Variants in RERE observed in about 807,000 individuals in gnomAD.
The protein encoded by RERE is arginine-glutamic acid dipeptide repeats, also known as arginine-glutamic acid dipeptide repeats protein.
A neutral mutation model predicts 146.1 loss-of-function variants in RERE; 40 were observed. The ratio of observed to expected loss-of-function variants is 0.27; its 90% CI spans 0.21 to 0.36. RERE has a LOEUF of 0.36. RERE is among the 10% of genes least tolerant of loss of function. The pLI is 1.00. For synonymous variants in RERE, 1,003 were observed against 866.0 expected (o/e 1.16, Z -2.78); for missense variants, 1,933 against 2,138.7 (o/e 0.90, Z 1.90).
At chr1:8,534,135 T>C (rs1645693163) in intron 7 of RERE, among the ~76,000 whole-genome samples, 1 of 152,214 alleles carries the variant, frequency 6.6e-6, no homozygotes, top group East Asian at 1.9e-4. Flanking sequence ...GAACTGTTAC[T>C]CAAATGCAAG....
chr1:8,809,501 G>T (rs188801894), intron 1 of RERE, among the ~76,000 whole-genome samples: 36 of 152,224 alleles, frequency 2.4e-4, no homozygotes, highest in Non-Finnish European at 4.3e-4. Flanking sequence ...GCTTTCCAGG[G>T]AACAGACAGT....
At chr1:8,637,022 A>G (rs1020486741) in intron 2 of RERE, among the ~76,000 whole-genome samples, 1 of 152,206 alleles carries the variant, frequency 6.6e-6, no homozygotes, top group Admixed American at 6.5e-5. Context: ...AAATTTCTAG[A>G]TGCCCTAGTG....
chr1:8,439,429 T>G (rs1644216119), intron 11 of RERE, among the ~76,000 whole-genome samples: 1 of 152,188 alleles, frequency 6.6e-6, no homozygotes, highest in Admixed American at 6.5e-5. Context: ...AGAGCTGGTG[T>G]GTGGAGGAAT....
chr1:8,641,109 G>T (rs529952039), intron 2 of RERE, among the ~76,000 whole-genome samples: 3 of 152,240 alleles, frequency 2.0e-5, no homozygotes, highest in Non-Finnish European at 4.4e-5. Context: ...TAAATAGAAG[G>T]CAATATCTGG....
chr1:8,599,163 C>T (rs1646591165), intron 4 of RERE, among the ~76,000 whole-genome samples: 1 of 152,174 alleles, frequency 6.6e-6, no homozygotes, highest in Admixed American at 6.6e-5. Flanking sequence ...AACAAGCACC[C>T]AAATGACACA....
intron 11 of RERE, among the ~76,000 whole-genome samples, chr1:8,463,952 T>C (rs1236896082): frequency 1.3e-5 from 2 of 152,254 alleles, no homozygotes; most frequent in South Asian, 2.1e-4. Context: ...CATCTCCTTA[T>C]GTGTTTCTTC....
chr1:8,631,647 T>C (rs984720085), intron 2 of RERE, among the ~76,000 whole-genome samples: 7 of 152,198 alleles, frequency 4.6e-5, no homozygotes, highest in East Asian at 3.8e-4. Context: ...CTCATCTCCT[T>C]ATTTTACTCT....
intron 4 of RERE, among the ~76,000 whole-genome samples, chr1:8,596,196 C>T (rs1211349420): frequency 6.6e-6 from 1 of 152,188 alleles, no homozygotes; most frequent in Non-Finnish European, 1.5e-5. Context: ...CTTGCTGTCC[C>T]TGAGTACAAA....
At chr1:8,659,497 C>T (rs1403558380) in intron 1 of RERE, among the ~76,000 whole-genome samples, 2 of 152,238 alleles carry the variant, frequency 1.3e-5, no homozygotes, top group African/African-American at 4.8e-5. Context: ...GCGGAGGTTG[C>T]AATGAGCCAA....
intron 12 of RERE, among the ~76,000 whole-genome samples, chr1:8,375,412 C>T (rs1355312729): frequency 6.6e-6 from 1 of 152,176 alleles, no homozygotes; most frequent in Non-Finnish European, 1.5e-5. Context: ...ACATTTATTT[C>T]TTATGGGCCA....
chr1:8,680,157 G>A lies in RERE; in HGVS notation c.-144-23716C>T, dbSNP rs1570600729. On this transcript the variant is annotated intron_variant, in intron 1 of 22. Coordinates refer to ENST00000400908, the MANE Select transcript of RERE (RefSeq NM_001042681.2). ...AATGTCCTTTTCCTATACACCTGGT[G>A]GAAAATGGAGAAAGCCAGAAAAACC... 1.3e-5 allele frequency among the ~76,000 whole-genome samples: 2 copies of A among 152,072 alleles called. 1 individual carries two copies. Among genetic ancestry groups the A allele is most frequent in the South Asian group, 4.1e-4 (2 of 4,822 alleles).
At chr1:8,402,395 G>A (rs545907033) in intron 12 of RERE, among the ~76,000 whole-genome samples, 2 of 152,276 alleles carry the variant, frequency 1.3e-5, no homozygotes, top group East Asian at 1.9e-4. Flanking sequence ...TCCCAGCTGA[G>A]GCCCCAGAAA....
chr1:8,760,672 A>C (rs1640737732), intron 1 of RERE, among the ~76,000 whole-genome samples: 1 of 152,174 alleles, frequency 6.6e-6, no homozygotes, highest in South Asian at 2.1e-4. Flanking sequence ...ATGGTTTCTT[A>C]ATATATTTAC....
At chr1:8,417,352 G>A (rs776549350) in intron 12 of RERE, among the ~76,000 whole-genome samples, 3 of 152,190 alleles carry the variant, frequency 2.0e-5, no homozygotes, top group Non-Finnish European at 2.9e-5. Flanking sequence ...CAGTAGTTAC[G>A]TACGTATTTA....
Position 8,703,247 on chromosome 1 carries a change from C to G in RERE, c.-144-46806G>C, listed in dbSNP as rs1317615780. On this transcript the variant is annotated intron_variant, in intron 1 of 22. Transcript: ENST00000400908. ...GGGCACCGCGGCGCGGGCGCAGGTC[C>G]CGGCGGCTTGGCGGCTCCGGGAGGC... The G allele has an allele frequency of 6.7e-5, 10 of 150,210 alleles. No homozygotes were observed. In the East Asian group the frequency reaches 1.9e-3, roughly 29 times the overall value. 9.3% of individuals were successfully genotyped at this position (150,210 alleles called of 1,614,324 possible).
chr1:8,683,512 T>A (rs551131252), intron 1 of RERE, among the ~76,000 whole-genome samples: 31 of 152,286 alleles, frequency 2.0e-4, no homozygotes, highest in African/African-American at 7.5e-4. Flanking sequence ...CACTGTAGAC[T>A]GTCTAAGGGA....
intron 4 of RERE, among the ~76,000 whole-genome samples, chr1:8,580,191 G>A (rs902588823): frequency 6.6e-6 from 1 of 152,170 alleles, no homozygotes. Context: ...CCTAGTAGCG[G>A]ATAAAGTAGG....
chr1:8,431,239 CT>C (rs1644091394), intron 11 of RERE, among the ~76,000 whole-genome samples: 1 of 152,230 alleles, frequency 6.6e-6, no homozygotes, highest in East Asian at 1.9e-4. Context: ...GATGCTCCCC[CT>C]GGCTTGCATT....
chr1:8,445,633 G>A (rs954966298), intron 11 of RERE, among the ~76,000 whole-genome samples: 2 of 151,960 alleles, frequency 1.3e-5, no homozygotes, highest in Non-Finnish European at 2.9e-5. Flanking sequence ...TGCAGAAGAA[G>A]ACAGATAGAC....
Sources: gnomAD v4.1 joint callset for allele counts (sites outside exome capture counted in the v4.1 genomes callset) on GRCh38, gnomAD v4.1.1 for gene constraint, MANE v1.5 for transcripts, NCBI Gene and HGNC (gene_info 2026-07-23, HGNC 2026-07-21) for gene names.